ZNF727: variants seen among roughly 807,000 people sequenced by gnomAD.
The protein encoded by ZNF727 is zinc finger protein 727.
In ZNF727, 11 loss-of-function variants were observed where a neutral mutation model predicts 11.5. The observed-to-expected ratio is 0.95, with a 90% CI of 0.60 to 1.58. The LOEUF (loss-of-function observed/expected upper bound fraction) is 1.58. Among genes scored for constraint, ZNF727 ranks in the 40% most tolerant of loss-of-function variants. The probability of loss-of-function intolerance (pLI) is 0.00; values close to 1 mark genes in which losing one functional copy is unlikely to be tolerated. For synonymous variants in ZNF727, 171 were observed against 196.1 expected, an observed-to-expected ratio of 0.87 and a Z score of 1.07; for missense variants, 533 against 581.7, an observed-to-expected ratio of 0.92 and a Z score of 0.86.
intron 1 of ZNF727, among the ~76,000 whole-genome samples, chr7:64,059,007 C>G (rs574935226): frequency 3.3e-5 from 5 of 150,262 alleles, no homozygotes; most frequent in Non-Finnish European, 7.4e-5. Flanking sequence ...TGTAGTGGCA[C>G]GATCTACGCT....
At chr7:64,051,988 G>A (rs907701966) in intron 1 of ZNF727, among the ~76,000 whole-genome samples, 1 of 152,288 alleles carries the variant, frequency 6.6e-6, no homozygotes, top group Admixed American at 6.5e-5. Context: ...GCAAGGTGAA[G>A]CTCCATAGGT....
At chr7:64,060,190 CT>C (rs1191139123) in intron 1 of ZNF727, among the ~76,000 whole-genome samples, 2 of 152,264 alleles carry the variant, frequency 1.3e-5, no homozygotes, top group African/African-American at 4.8e-5. Context: ...TTTATTTCTG[CT>C]TTTGTAATCT....
chr7:64,065,658 C>T (rs769920206), intron 1 of ZNF727, among the ~76,000 whole-genome samples: 16 of 152,098 alleles, frequency 1.1e-4, no homozygotes, highest in Admixed American at 6.6e-4. Context: ...ACTGTGTCCA[C>T]TTTTTCTTCT....
At position 64,077,381 on chromosome 7, in the gene ZNF727, T is replaced by G; in HGVS notation, c.332T>G (p.Leu111Ter). Reference protein sequence around the residue: ...RKSGSCDLNTLRLKKDYQRVG... With the variant: ...RKSGSCDLNT The stretch of plus-strand genomic sequence containing the variant: ...TCTGGAAGCTGTGACCTTAATACTT[T>G]ACGTTTAAAGAAAGACTACCAACGT... The change falls in exon 4 of 4, where the codon TTA (leucine) becomes TGA (stop). Residue 111 changes from leucine (L) to a stop codon, truncating the protein, a stop_gained. Coordinates refer to ENST00000456806, the MANE Select transcript of ZNF727 (RefSeq NM_001159522.3). LOFTEE classifies it low-confidence loss of function (END_TRUNC). 6.4e-7 allele frequency: 1 copy of G among 1,551,818 alleles called. No individual in the cohort carries two copies. Among genetic ancestry groups the G allele is most frequent in the South Asian group, 1.2e-5 (1 of 84,068 alleles).
At chr7:64,066,422 C>T (rs1023176888) in intron 1 of ZNF727, among the ~76,000 whole-genome samples, 2 of 152,114 alleles carry the variant, frequency 1.3e-5, no homozygotes, top group African/African-American at 2.4e-5. Context: ...CTACAGTAAC[C>T]AAAACAGCAT....
At chr7:64,050,640 C>T (rs1422382975) in intron 1 of ZNF727, among the ~76,000 whole-genome samples, 3 of 152,070 alleles carry the variant, frequency 2.0e-5, no homozygotes. Flanking sequence ...AAAATCATGT[C>T]AGCAAGAGAA....
Position 64,077,985 on chromosome 7 carries a change from C to T in ZNF727, c.936C>T (p.Tyr312=). ...GAATTCATACTGGAGAGAAACCCTA[C>T]AAATGTAATGAATGTGGAAAAGCTT... ...HKRIHTGEKP[Y]KCNECGKAFM... Residue 312 remains tyrosine, a synonymous_variant, in exon 4 of 4, where the codon TAC becomes TAT. Coordinates refer to ENST00000456806, the MANE Select transcript of ZNF727 (RefSeq NM_001159522.3). 6.2e-7 allele frequency: 1 copy of T among 1,600,620 alleles called. No individual in the cohort carries two copies. The highest frequency in any genetic ancestry group is 8.5e-7 in the Non-Finnish European group (1 of 1,173,046).
At chr7:64,056,102 G>A (rs1258451492) in intron 1 of ZNF727, among the ~76,000 whole-genome samples, 1 of 151,760 alleles carries the variant, frequency 6.6e-6, no homozygotes, top group African/African-American at 2.4e-5. Flanking sequence ...GTGTGAAGTG[G>A]TATTTCAATA....
rs2116342197 is a variant in ZNF727 at position 64,082,901 on chromosome 7, G to A, written c.*4352G>A. Among the ~76,000 whole-genome samples the A allele has an allele frequency of 6.7e-6, 1 of 149,700 alleles. No homozygotes were observed. Among genetic ancestry groups the A allele is most frequent in the East Asian group, 1.9e-4 (1 of 5,146 alleles). On this transcript the variant is annotated 3_prime_UTR_variant, in exon 4 of 4. Transcript: ENST00000456806. Reference sequence around the variant, plus strand: ...GTCTCAAAAAAAAAAAAGAAAGAATGCAGTCTAGCCACATTTTTGTAGGAC... The same window carrying A: ...GTCTCAAAAAAAAAAAAGAAAGAATACAGTCTAGCCACATTTTTGTAGGAC...
Position 64,078,344 on chromosome 7 carries a change from C to T in ZNF727, c.1295C>T (p.Thr432Ile). Residue 432 changes from threonine (T) to isoleucine (I), a missense_variant, in exon 4 of 4, where the codon ACC (threonine) becomes ATC (isoleucine). Around this residue, in one of 3 missense-constraint regions of ZNF727, gnomAD observed 16 missense variants for 38.6 expected, o/e 0.41. Transcript: ENST00000456806. ...TACAAATGTGAAGAATGTGGCAAAA[C>T]CTTTAAGTGGTTCCCAGACCTGACT... Reference protein sequence around the residue: ...RPYKCEECGKTFKWFPDLTNH... With the variant: ...RPYKCEECGKIFKWFPDLTNH... The T allele has an allele frequency of 6.3e-7, 1 of 1,577,362 alleles. No individual in the cohort carries two copies. The highest frequency in any genetic ancestry group is 8.6e-7 in the Non-Finnish European group (1 of 1,161,182).
chr7:64,056,659 G>A lies in ZNF727; in HGVS notation c.3+11035G>A, dbSNP rs1255625019. ...CAGTAATAAGAATATGTCAATTATT[G>A]GAATAGATTAGATAATAGTTTATTT... On this transcript the variant is annotated intron_variant, in intron 1 of 3. Coordinates refer to ENST00000456806, the MANE Select transcript of ZNF727 (RefSeq NM_001159522.3). Among the ~76,000 whole-genome samples the A allele has an allele frequency of 2.0e-5, 3 of 152,128 alleles. No homozygotes were observed. In the East Asian group the frequency reaches 5.8e-4, roughly 29 times the overall value.
At chr7:64,047,422 C>T (rs533432896) in intron 1 of ZNF727, among the ~76,000 whole-genome samples, 74 of 152,316 alleles carry the variant, frequency 4.9e-4, no homozygotes, top group Middle Eastern at 3.4e-3. Context: ...AATCACCTGA[C>T]GCTCTGCGCA....
chr7:64,047,983 T>C (rs1348090100), intron 1 of ZNF727, among the ~76,000 whole-genome samples: 2 of 152,162 alleles, frequency 1.3e-5, no homozygotes, highest in Non-Finnish European at 2.9e-5. Flanking sequence ...GCAGTGTCTT[T>C]TGGGAGAGTG....
chr7:64,045,839 C>A (rs1789493884), intron 1 of ZNF727, among the ~76,000 whole-genome samples: 1 of 152,140 alleles, frequency 6.6e-6, no homozygotes, highest in African/African-American at 2.4e-5. Flanking sequence ...ACGCGAATTT[C>A]TTTCCAGCCC....
At chr7:64,048,126 G>C (rs539702177) in intron 1 of ZNF727, among the ~76,000 whole-genome samples, 11 of 152,158 alleles carry the variant, frequency 7.2e-5, no homozygotes, top group Admixed American at 5.9e-4. Flanking sequence ...TATATGTTCA[G>C]TTATTTCAAC....
At chr7:64,072,595 C>A (rs897617687) in intron 3 of ZNF727, among the ~76,000 whole-genome samples, 5 of 152,104 alleles carry the variant, frequency 3.3e-5, no homozygotes, top group African/African-American at 1.2e-4. Flanking sequence ...GGTCTGCAGA[C>A]CTACTGCTGT....
chr7:64,051,993 A>G (rs944567624), intron 1 of ZNF727, among the ~76,000 whole-genome samples: 2 of 152,190 alleles, frequency 1.3e-5, no homozygotes, highest in Admixed American at 1.3e-4. Flanking sequence ...GTGAAGCTCC[A>G]TAGGTATTAT....
In ZNF727 at chr7:64,063,352, A is replaced by G. The variant is rs911941840; in HGVS notation, c.4-5539A>G. ...TGCATTAGGGGACACCCCAACCTGAATAACACTGTGATGCTTGCAGACTTG... is the reference window on the plus strand; with the variant it reads ...TGCATTAGGGGACACCCCAACCTGAGTAACACTGTGATGCTTGCAGACTTG... On this transcript the variant is annotated intron_variant, in intron 1 of 3. Coordinates refer to ENST00000456806, the MANE Select transcript of ZNF727 (RefSeq NM_001159522.3). Among the ~76,000 whole-genome samples, 5 of 152,204 alleles carry G rather than the reference A, an allele frequency of 3.3e-5. No homozygotes were observed. The East Asian group carries it at 9.6e-4, about 29-fold the overall frequency.
intron 3 of ZNF727, among the ~76,000 whole-genome samples, chr7:64,074,005 G>A (rs1395230959): frequency 6.6e-6 from 1 of 152,088 alleles, no homozygotes; most frequent in Non-Finnish European, 1.5e-5. Flanking sequence ...TCTCTCCTGA[G>A]GGTAGTACTG....
Sources: gnomAD v4.1 joint callset for allele counts (sites outside exome capture counted in the v4.1 genomes callset) on GRCh38, gnomAD v4.1.1 for gene constraint, gnomAD v4.1.1 regional missense constraint, MANE v1.5 for transcripts, NCBI Gene and HGNC (gene_info 2026-07-23, HGNC 2026-07-21) for gene names.